Variants in EP400 observed in about 807,000 individuals in gnomAD.
EP400 encodes the protein E1A-binding protein p400.
Under a neutral mutation model 354.1 loss-of-function variants are expected in EP400, and 105 were observed. That is an observed-to-expected ratio of 0.30 (90% CI 0.25 to 0.35). The LOEUF is 0.35. Ranked by LOEUF, EP400 falls within the 10% of genes least tolerant of loss-of-function variation. The probability of loss-of-function intolerance (pLI) is 1.00; values close to 1 mark genes in which losing one functional copy is unlikely to be tolerated. For synonymous variants in EP400, 1,646 were observed against 1,716.9 expected, an observed-to-expected ratio of 0.96 and a Z score of 1.02; for missense variants, 3,280 against 4,121.0, an observed-to-expected ratio of 0.80 and a Z score of 5.59.
chr12:131,983,924 G>A (rs562224993), intron 5 of EP400, among the ~76,000 whole-genome samples: 3 of 150,760 alleles, frequency 2.0e-5, no homozygotes, highest in East Asian at 1.9e-4. Flanking sequence ...TTTTTTAGAC[G>A]GAGTTTCGCT....
intron 7 of EP400, 56 bp downstream of exon 7, chr12:131,987,946 T>G: frequency 6.9e-7 from 1 of 1,450,710 alleles, no homozygotes; most frequent in Non-Finnish European, 9.2e-7. Context: ...GGCTTGAGTT[T>G]GCAGTGGTGT....
rs2136586111 is a variant in EP400 at position 132,050,009 on chromosome 12, C to G, written c.7201-314C>G. Among the ~76,000 whole-genome samples the G allele has an allele frequency of 6.6e-6, 1 of 152,342 alleles. No homozygotes were observed. The highest frequency in any genetic ancestry group is 6.5e-5 in the Admixed American group (1 of 15,310). ...ACAGCCCGCTCCACACAGTCACCTG[C>G]CATGTGACCTTGGGCACTTTGCACA... is the stretch of plus-strand genomic sequence containing the variant. On this transcript the variant is annotated intron_variant, in intron 39 of 52. Transcript: ENST00000389561. The surrounding 1 kb of genome is among the most constrained non-coding windows in gnomAD (Gnocchi z 4.8).
Position 132,062,470 on chromosome 12 carries a change from A to G in EP400, c.8103A>G (p.Thr2701=). 1 of 1,613,174 alleles carries G rather than the reference A, an allele frequency of 6.2e-7. No homozygotes were observed. Among genetic ancestry groups the G allele is most frequent in the Non-Finnish European group, 8.5e-7 (1 of 1,180,020 alleles). ...RSLVPQVSQA[T]GVQLPGKTIT... is the part of the protein sequence containing the mutation. ...AATGAGCAAACCTCTTCATAGCCAC[A>G]GGAGTTCAGCTCCCTGGAAAAACCA... Residue 2701 remains threonine, a synonymous_variant, in exon 47 of 53, where the codon ACA becomes ACG. Transcript: ENST00000389561.
chr12:132,076,375 G>A (rs1429033954), intron 51 of EP400, 141 bp from the exon 52 acceptor site: 8 of 809,348 alleles, frequency 9.9e-6, no homozygotes, highest in Non-Finnish European at 1.7e-5. Flanking sequence ...GCTGCAGGTG[G>A]GCACACTACG....
In EP400 at chr12:132,045,833, T is replaced by G. The variant is rs1309860097; in HGVS notation, c.7133T>G (p.Ile2378Ser). ...VSDVVNSCSR[I>S]YRSSKQCRNR... ...GACGTTGTTAACTCCTGTAGCCGAATCTACCGCTCTTCCAAACAGTGCCGG... is the reference window on the plus strand; with the variant it reads ...GACGTTGTTAACTCCTGTAGCCGAAGCTACCGCTCTTCCAAACAGTGCCGG... Residue 2378 changes from isoleucine (I) to serine (S), a missense_variant, in exon 39 of 53, where the codon ATC becomes AGC. Coordinates refer to ENST00000389561, the MANE Select transcript of EP400 (RefSeq NM_015409.5). The G allele has an allele frequency of 1.2e-6, 2 of 1,614,106 alleles. No homozygotes were observed. Among genetic ancestry groups the G allele is most frequent in the African/African-American group, 1.3e-5 (1 of 74,940 alleles).
At chr12:132,004,422 A>G (rs751612127) in intron 12 of EP400, among the ~76,000 whole-genome samples, 7 of 151,870 alleles carry the variant, frequency 4.6e-5, no homozygotes, top group Non-Finnish European at 1.0e-4. Context: ...AATTAGGGTG[A>G]GTGTTTTATA....
chr12:131,950,317 G>A (rs1267449270), intron 1 of EP400, among the ~76,000 whole-genome samples: 1 of 152,114 alleles, frequency 6.6e-6, no homozygotes, highest in Non-Finnish European at 1.5e-5. Flanking sequence ...CTCCTGGGCT[G>A]GGGGCGTGGC....
chr12:132,001,823 G>C (rs563140479), intron 12 of EP400, among the ~76,000 whole-genome samples: 1 of 152,212 alleles, frequency 6.6e-6, no homozygotes, highest in East Asian at 1.9e-4. Flanking sequence ...GCTTTTCCTA[G>C]GTTATGATTA....
intron 15 of EP400, 75 bp downstream of exon 15, chr12:132,006,952 T>G: frequency 6.5e-7 from 1 of 1,528,486 alleles, no homozygotes; most frequent in South Asian, 1.2e-5. Context: ...TTGATGGGAG[T>G]GTGGGGACTT....
chr12:131,969,922 G>A (rs995978179), intron 2 of EP400, among the ~76,000 whole-genome samples: 43 of 152,218 alleles, frequency 2.8e-4, no homozygotes, highest in Admixed American at 7.2e-4. Flanking sequence ...GGTGATGTGC[G>A]TCTGTAGTCC....
Position 132,038,105 on chromosome 12 carries a change from A to G in EP400, c.6207+9A>G, listed in dbSNP as rs765702643. 3.1e-6 allele frequency: 5 copies of G among 1,609,158 alleles called. No homozygotes were observed. The highest frequency in any genetic ancestry group is 4.2e-6 in the Non-Finnish European group (5 of 1,179,898). ...CAAGACCTTTCATAGAGGTAAGAAT[A>G]CATTGAATCTGGCTGAAGAGTTGCA... On this transcript the variant is annotated intron_variant, in intron 32 of 52. Transcript: ENST00000389561. The surrounding 1 kb of genome is among the most constrained non-coding windows in gnomAD (Gnocchi z 4.2).
chr12:132,076,298 G>T, intron 51 of EP400: 15 of 601,116 alleles, frequency 2.5e-5, no homozygotes, highest in Non-Finnish European at 3.4e-5. Context: ...CTTAAATGAT[G>T]AGTGATGGCA....
Position 132,054,266 on chromosome 12 carries a change from T to A in EP400, c.7728+669T>A, listed in dbSNP as rs1895408625. Among the ~76,000 whole-genome samples the A allele has an allele frequency of 6.6e-6, 1 of 152,248 alleles. No homozygotes were observed. Among genetic ancestry groups the A allele is most frequent in the Admixed American group, 6.5e-5 (1 of 15,280 alleles). On this transcript the variant is annotated intron_variant, in intron 43 of 52. Coordinates refer to ENST00000389561, the MANE Select transcript of EP400 (RefSeq NM_015409.5). This position sits in a 1 kb window ranked among gnomAD's most constrained non-coding sequence, Gnocchi z 4.0. Reference sequence around the variant, plus strand: ...CCAGGCAGGCATAAAAATATTTTTGTTACATAGAACCATTTCCTGCAGTAG... The same window carrying A: ...CCAGGCAGGCATAAAAATATTTTTGATACATAGAACCATTTCCTGCAGTAG...
chr12:132,038,301 G>A lies in EP400; in HGVS notation c.6207+205G>A, dbSNP rs932392622. On this transcript the variant is annotated intron_variant, in intron 32 of 52. Coordinates refer to ENST00000389561, the MANE Select transcript of EP400 (RefSeq NM_015409.5). This position sits in a 1 kb window ranked among gnomAD's most constrained non-coding sequence, Gnocchi z 4.2. ...AAATACAAGTGAGGGGAATGGTGGC[G>A]AAGGTCGCGGACCACAGGCCTGTCA... Among the ~76,000 whole-genome samples, 2 of 152,178 alleles carry A rather than the reference G, an allele frequency of 1.3e-5. No individual in the cohort carries two copies. The highest frequency in any genetic ancestry group is 6.5e-5 in the Admixed American group (1 of 15,282).
At position 132,027,037 on chromosome 12, in the gene EP400, C is replaced by A. The variant is rs927708859; in HGVS notation, c.5015-400C>A. The stretch of plus-strand genomic sequence containing the variant: ...CCTGCCGGGGCTGGGCTGCTCATGG[C>A]AGGCAAGGGCCTCACAGTCATCAGG... On this transcript the variant is annotated intron_variant, in intron 25 of 52. Transcript: ENST00000389561. This position sits in a 1 kb window ranked among gnomAD's most constrained non-coding sequence, Gnocchi z 4.9. Among the ~76,000 whole-genome samples, 2 of 152,204 alleles carry A rather than the reference C, an allele frequency of 1.3e-5. No individual in the cohort carries two copies. Among genetic ancestry groups the A allele is most frequent in the African/African-American group, 4.8e-5 (2 of 41,458 alleles).
In EP400 at chr12:132,021,253, A is replaced by C. The variant is rs751619805; in HGVS notation, c.4622A>C (p.His1541Pro). Residue 1541 changes from histidine to proline, a missense_variant, in exon 23 of 53, where the codon CAC (histidine) becomes CCC (proline). Physicochemically the swap from His to Pro is moderately conservative, Grantham distance 77 (BLOSUM62 -2). This residue lies in a region of EP400 where 342 missense variants were observed against 342.7 expected (regional missense o/e 1.00). Coordinates refer to ENST00000389561, the MANE Select transcript of EP400 (RefSeq NM_015409.5). ...QPPPQPQAPS[H>P]AAGQSALPQR... ...CCGCCCCAGCCCCAGGCCCCCTCGC[A>C]CGCGGCCGGGCAGAGCGCGCTGCCT... 19 of 1,544,050 alleles carry C rather than the reference A, an allele frequency of 1.2e-5. No homozygotes were observed.
At chr12:132,044,746 G>T in intron 36 of EP400, 31 bp downstream of exon 36, 1 of 1,614,156 alleles carries the variant, frequency 6.2e-7, no homozygotes, top group East Asian at 2.2e-5. Context: ...TTGTGTCTGT[G>T]TGGGCAGCTT....
In EP400 at chr12:131,975,781, A is replaced by G. The variant is rs183222747; in HGVS notation, c.1336-3913A>G. Among the ~76,000 whole-genome samples the G allele has an allele frequency of 6.8e-4, 103 of 151,482 alleles. 1 individual carries two copies. The highest frequency in any genetic ancestry group is 6.1e-3 in the Admixed American group (93 of 15,202). ...GCCACGTTGGTCAGGCTGGTCTTGA[A>G]CTCCTGACCTCAAGTGATCTGTGTA... On this transcript the variant is annotated intron_variant, in intron 2 of 52. Transcript: ENST00000389561.
chr12:132,005,068 C>G lies in EP400; in HGVS notation c.2828-9C>G. 6.4e-7 allele frequency: 1 copy of G among 1,568,258 alleles called. No homozygotes were observed. The highest frequency in any genetic ancestry group is 8.7e-7 in the Non-Finnish European group (1 of 1,155,456). ...AAGTAACAGCCCTTCTGCCCGCAAC[C>G]CTCTGCAGCTGAGCTGCCCCTCCTG... On this transcript the variant is annotated splice_polypyrimidine_tract_variant and intron_variant, in intron 12 of 52. Coordinates refer to ENST00000389561, the MANE Select transcript of EP400 (RefSeq NM_015409.5).
Sources: allele counts gnomAD v4.1 joint callset (sites outside exome capture counted in the v4.1 genomes callset), GRCh38; gene constraint gnomAD v4.1.1; regional missense constraint gnomAD v4.1.1; non-coding constraint Gnocchi (gnomAD v3.1); transcripts MANE v1.5; gene names NCBI Gene and HGNC (gene_info 2026-07-23, HGNC 2026-07-21).